The following DGKD variants were observed in gnomAD, a reference collection of about 807,000 sequenced individuals.
DGKD encodes DAG kinase delta.
A neutral mutation model predicts 154.4 loss-of-function variants in DGKD; 68 were observed. The ratio of observed to expected loss-of-function variants is 0.44; its 90% CI spans 0.36 to 0.54. The LOEUF (loss-of-function observed/expected upper bound fraction) is 0.54, where lower values mean the gene tolerates loss of function less well. Ranked by LOEUF, DGKD falls within the 20% of genes least tolerant of loss-of-function variation. The probability of loss-of-function intolerance (pLI) is 0.00; values close to 1 mark genes in which losing one functional copy is unlikely to be tolerated. For missense variants in DGKD, 1,343 were observed against 1,593.6 expected (o/e 0.84, Z 2.68); for synonymous variants, 693 against 638.0 (o/e 1.09, Z -1.30).
chr2:233,423,674 T>G (rs2062194359), intron 3 of DGKD, among the ~76,000 whole-genome samples: 1 of 151,900 alleles, frequency 6.6e-6, no homozygotes, highest in South Asian at 2.1e-4. Context: ...GGGAGTGGGG[T>G]GGGCATGGTT....
intron 5 of DGKD, among the ~76,000 whole-genome samples, chr2:233,435,565 C>T (rs147246773): frequency 3.7e-4 from 57 of 152,328 alleles, no homozygotes; most frequent in Non-Finnish European, 6.6e-4. Flanking sequence ...AAGCTGGTTG[C>T]GACCTGCAGA....
rs149692512 is a variant in DGKD, at chr2:233,436,370, A to G, written c.748A>G (p.Thr250Ala). ...AAACCTACCTGTGAGCGCCAAGTGC[A>G]CTGTGTGCGACAAGACCTGTGGCAG... Reference protein sequence around the residue: ...EGNLPVSAKCTVCDKTCGSVL... With the variant: ...EGNLPVSAKCAVCDKTCGSVL... The change falls in exon 7 of 30, where the codon ACT becomes GCT. Residue 250 changes from threonine (T) to alanine (A), a missense_variant. This residue lies in a region of DGKD where 332 missense variants were observed against 400.1 expected (regional missense o/e 0.83). Transcript: ENST00000264057. 9.9e-5 allele frequency: 160 copies of G among 1,614,208 alleles called. 1 individual carries two copies. The East Asian group carries it at 3.5e-3, about 36-fold the overall frequency.
chr2:233,449,284 G>T lies in DGKD; in HGVS notation c.1796G>T (p.Arg599Leu), dbSNP rs1298063809. The change falls in exon 15 of 30, where the codon CGG becomes CTG. Residue 599 changes from arginine (R) to leucine (L), a missense_variant. Physicochemically the swap from Arg to Leu is moderately radical, Grantham distance 102 (BLOSUM62 -2). Around this residue, in one of 6 missense-constraint regions of DGKD, gnomAD observed 409 missense variants for 446.0 expected, o/e 0.92. Transcript: ENST00000264057. This position sits in a 1 kb window ranked among gnomAD's most constrained non-coding sequence, Gnocchi z 5.3. ...TTGGTGGCATCAGCTTGCCCGGCCCGGCCGCAGATATTCCGGCCTCGAGAA... is the reference window on the plus strand; with the variant it reads ...TTGGTGGCATCAGCTTGCCCGGCCCTGCCGCAGATATTCCGGCCTCGAGAA... The part of the protein sequence containing the change: ...DRLVASACPA[R>L]PQIFRPREQL... 16 of 1,613,372 alleles carry T rather than the reference G, an allele frequency of 9.9e-6. No individual in the cohort carries two copies. In the Admixed American group the frequency reaches 2.5e-4, roughly 25 times the overall value.
chr2:233,390,556 C>G, intron 3 of DGKD, 73 bp downstream of exon 3: 1 of 1,108,878 alleles, frequency 9.0e-7, no homozygotes, highest in Non-Finnish European at 1.4e-6. Context: ...GAACATGTGT[C>G]CAAGCAGTTC....
chr2:233,362,918 G>T (rs780607039), intron 1 of DGKD, among the ~76,000 whole-genome samples: 27 of 152,200 alleles, frequency 1.8e-4, no homozygotes, highest in Non-Finnish European at 3.2e-4. Context: ...AATTACCTAT[G>T]TGTTTGTGGT....
At chr2:233,391,907 C>T (rs1575027017) in intron 3 of DGKD, among the ~76,000 whole-genome samples, 1 of 151,976 alleles carries the variant, frequency 6.6e-6, no homozygotes. Context: ...TTATTTTTAC[C>T]AGCTGGGAAG....
intron 2 of DGKD, among the ~76,000 whole-genome samples, chr2:233,390,072 T>C (rs567339386): frequency 6.6e-6 from 1 of 152,382 alleles, no homozygotes; most frequent in South Asian, 2.1e-4. Flanking sequence ...TAAAAGTGAA[T>C]ACTGGTATTG....
intron 1 of DGKD, among the ~76,000 whole-genome samples, chr2:233,373,990 G>A (rs1186752560): frequency 6.6e-6 from 1 of 151,842 alleles, no homozygotes; most frequent in Non-Finnish European, 1.5e-5. Context: ...TGTACATCAT[G>A]TAACTCCCCT....
intron 3 of DGKD, among the ~76,000 whole-genome samples, chr2:233,393,931 C>T (rs1703819308): frequency 6.6e-6 from 1 of 151,882 alleles, no homozygotes; most frequent in African/African-American, 2.4e-5. Context: ...CCACCTTGGC[C>T]ACCCAAAATG....
At chr2:233,406,853 G>A (rs1014255515) in intron 3 of DGKD, among the ~76,000 whole-genome samples, 5 of 152,108 alleles carry the variant, frequency 3.3e-5, no homozygotes, top group African/African-American at 1.2e-4. Flanking sequence ...ATAGCTCTCA[G>A]GATGCTTGCC....
At chr2:233,360,984 G>GTTT (rs10580286) in intron 1 of DGKD, among the ~76,000 whole-genome samples, 8 of 129,088 alleles carry the variant, frequency 6.2e-5, no homozygotes, top group Non-Finnish European at 1.3e-4. Context: ...AGACAGTCAA[G>GTTT]TTTTTTTTTT....
chr2:233,383,922 G>C (rs953748676), intron 1 of DGKD, among the ~76,000 whole-genome samples: 1 of 152,164 alleles, frequency 6.6e-6, no homozygotes, highest in Non-Finnish European at 1.5e-5. Context: ...TCCGGCAGTG[G>C]GAAGCAGGTG....
At chr2:233,432,233 T>A (rs1421602528) in intron 3 of DGKD, among the ~76,000 whole-genome samples, 2 of 99,228 alleles carry the variant, frequency 2.0e-5, no homozygotes, top group African/African-American at 7.4e-5. Flanking sequence ...CTATTAAAAA[T>A]ACAAAAAATT....
At position 233,450,033 on chromosome 2, in the gene DGKD, G is replaced by A. The variant is rs773063777; in HGVS notation, c.1940G>A (p.Gly647Asp). 1.9e-6 allele frequency: 3 copies of A among 1,613,788 alleles called. No homozygotes were observed. The highest frequency in any genetic ancestry group is 2.2e-5 in the East Asian group (1 of 44,870). The change falls in exon 16 of 30, where the codon GGC becomes GAC. Residue 647 changes from glycine (G) to aspartate (D), a missense_variant. Around this residue, in one of 6 missense-constraint regions of DGKD, gnomAD observed 409 missense variants for 446.0 expected, o/e 0.92. Transcript: ENST00000264057. ...CAGGAGCAGGAGGGCTTCGTCCTGG[G>A]CCTCTCTGAGTCAGAGGAGAAGATG... is the stretch of plus-strand genomic sequence containing the variant. ...QTQEQEGFVLGLSESEEKMDH... is the reference protein window; with the variant it reads ...QTQEQEGFVLDLSESEEKMDH...
chr2:233,429,700 G>A (rs1234932925), intron 3 of DGKD, among the ~76,000 whole-genome samples: 2 of 152,244 alleles, frequency 1.3e-5, no homozygotes, highest in African/African-American at 2.4e-5. Flanking sequence ...GAGAGGGGCT[G>A]TTTGTGGTGC....
rs912967904 is a variant in DGKD, at chr2:233,469,748, C to T, written c.*288C>T. ...GTGTCACGGCCACTCAGCTCTCGCC[C>T]GCCTGTGCTGTGGGCCAGGGAATCC... On this transcript the variant is annotated 3_prime_UTR_variant, in exon 30 of 30. Coordinates refer to ENST00000264057, the MANE Select transcript of DGKD (RefSeq NM_152879.3). 3.3e-5 allele frequency: 13 copies of T among 392,970 alleles called. No individual in the cohort carries two copies. The highest frequency in any genetic ancestry group is 1.3e-4 in the South Asian group (4 of 29,816). The allele number at this position is 392,970 out of a possible 1,614,324, so 24.3% of individuals were successfully genotyped here.
rs2063849227 is a variant in DGKD, at chr2:233,467,188, A to G, written c.3409A>G (p.Ser1137Gly). 2 of 1,613,356 alleles carry G rather than the reference A, an allele frequency of 1.2e-6. No homozygotes were observed. Among genetic ancestry groups the G allele is most frequent in the South Asian group, 2.2e-5 (2 of 91,082 alleles). The change falls in exon 28 of 30, where the codon AGC (serine) becomes GGC (glycine). Residue 1137 changes from serine (S) to glycine (G), a missense_variant. Around this residue, in one of 6 missense-constraint regions of DGKD, gnomAD observed 429 missense variants for 496.3 expected, o/e 0.86. Coordinates refer to ENST00000264057, the MANE Select transcript of DGKD (RefSeq NM_152879.3). ...KNNKNKEAHS[S>G]LGAPVHLWGT... is the part of the protein sequence containing the mutation. ...CAACAAGAACAAAGAAGCTCACAGT[A>G]GCCTGGGAGCCCCGGGTACCTGCCT...
chr2:233,381,062 T>C (rs1207977211), intron 1 of DGKD, among the ~76,000 whole-genome samples: 1 of 152,196 alleles, frequency 6.6e-6, no homozygotes, highest in Non-Finnish European at 1.5e-5. Context: ...TCAGAAAACC[T>C]ATGTTGGGTT....
At chr2:233,429,747 G>A (rs765239076) in intron 3 of DGKD, among the ~76,000 whole-genome samples, 3 of 152,234 alleles carry the variant, frequency 2.0e-5, no homozygotes, top group Non-Finnish European at 4.4e-5. Flanking sequence ...GAAGGCAGAC[G>A]GCCCCTCCGG....
Sources: allele counts gnomAD v4.1 joint callset (sites outside exome capture counted in the v4.1 genomes callset), GRCh38; gene constraint gnomAD v4.1.1; regional missense constraint gnomAD v4.1.1; non-coding constraint Gnocchi (gnomAD v3.1); transcripts MANE v1.5; gene names NCBI Gene and HGNC (gene_info 2026-07-23, HGNC 2026-07-21).